ARHGEF28: variants seen among roughly 807,000 people sequenced by gnomAD.
ARHGEF28 encodes the protein 190 kDa guanine nucleotide exchange factor.
In ARHGEF28, 152 loss-of-function variants were observed where a neutral mutation model predicts 206.6. The observed-to-expected ratio is 0.74, with a 90% confidence interval of 0.64 to 0.84. The LOEUF is 0.84. ARHGEF28 is among the 40% of genes least tolerant of loss of function. The probability of loss-of-function intolerance (pLI) is 0.00; values close to 1 mark genes in which losing one functional copy is unlikely to be tolerated. For synonymous variants in ARHGEF28, 763 were observed against 776.4 expected (o/e 0.98, Z 0.29); for missense variants, 2,028 against 2,073.2 (o/e 0.98, Z 0.42).
chr5:73,791,731 A>G (rs560768659), intron 7 of ARHGEF28, among the ~76,000 whole-genome samples: 28 of 152,202 alleles, frequency 1.8e-4, no homozygotes, highest in Non-Finnish European at 3.5e-4. Flanking sequence ...GTGCAGTGTC[A>G]CTAGTAAACA....
intron 11 of ARHGEF28, among the ~76,000 whole-genome samples, chr5:73,842,238 G>T (rs1176983091): frequency 6.6e-6 from 1 of 151,958 alleles, no homozygotes; most frequent in Non-Finnish European, 1.5e-5. Context: ...CGTATAAAAT[G>T]AATCAAAGTG....
intron 6 of ARHGEF28, among the ~76,000 whole-genome samples, chr5:73,777,314 C>T (rs928024045): frequency 3.3e-5 from 5 of 151,492 alleles, no homozygotes; most frequent in African/African-American, 1.2e-4. Flanking sequence ...TATGATTAAT[C>T]AAGGTGTTAT....
chr5:73,690,260 A>AATT (rs1259009160), intron 2 of ARHGEF28, among the ~76,000 whole-genome samples: 3 of 152,044 alleles, frequency 2.0e-5, no homozygotes, highest in African/African-American at 7.2e-5. Context: ...TTTACAAGCC[A>AATT]ATTTGTGTTT....
chr5:73,828,688 TTCTC>T (rs950995103), intron 9 of ARHGEF28, among the ~76,000 whole-genome samples: 5 of 150,692 alleles, frequency 3.3e-5, no homozygotes, highest in Non-Finnish European at 5.9e-5. Flanking sequence ...TTCTTTCTCT[TTCTC>T]TTTCTTTCTC....
chr5:73,713,673 G>T (rs1255373855), intron 2 of ARHGEF28, among the ~76,000 whole-genome samples: 1 of 152,148 alleles, frequency 6.6e-6, no homozygotes, highest in East Asian at 1.9e-4. Flanking sequence ...AGCGAGAAAG[G>T]TCACTAAAGG....
intron 7 of ARHGEF28, among the ~76,000 whole-genome samples, chr5:73,790,965 A>C (rs1754444803): frequency 6.6e-6 from 1 of 152,232 alleles, no homozygotes; most frequent in Admixed American, 6.5e-5. Context: ...AAAAGGATTC[A>C]TCTGTCTATG....
At chr5:73,694,191 C>T (rs1412400990) in intron 2 of ARHGEF28, among the ~76,000 whole-genome samples, 2 of 152,334 alleles carry the variant, frequency 1.3e-5, no homozygotes, top group Non-Finnish European at 2.9e-5. Context: ...ATGGTGCCCC[C>T]TCCTACTGTC....
At chr5:73,738,805 T>C (rs112748703) in intron 2 of ARHGEF28, among the ~76,000 whole-genome samples, 6 of 152,318 alleles carry the variant, frequency 3.9e-5, no homozygotes, top group African/African-American at 1.4e-4. Context: ...TTCAATGCTG[T>C]TACTTGGCCC....
intron 16 of ARHGEF28, among the ~76,000 whole-genome samples, chr5:73,860,735 A>G (rs1293996984): frequency 2.6e-5 from 4 of 152,056 alleles, no homozygotes; most frequent in African/African-American, 4.8e-5. Context: ...GTAAAACACC[A>G]CTTTCATCAG....
At chr5:73,700,108 C>T (rs1208433099) in intron 2 of ARHGEF28, among the ~76,000 whole-genome samples, 1 of 152,104 alleles carries the variant, frequency 6.6e-6, no homozygotes, top group African/African-American at 2.4e-5. Flanking sequence ...ATCACAATGT[C>T]CATCTTTAGA....
intron 35 of ARHGEF28, chr5:73,923,014 C>A: frequency 7.4e-7 from 1 of 1,358,044 alleles, no homozygotes; most frequent in South Asian, 1.3e-5. Context: ...GGAAAAAACA[C>A]AATGAATATT....
intron 2 of ARHGEF28, among the ~76,000 whole-genome samples, chr5:73,721,241 G>A (rs1391557441): frequency 6.6e-6 from 1 of 152,166 alleles, no homozygotes; most frequent in Non-Finnish European, 1.5e-5. Context: ...GTCCTGCCAT[G>A]GTGTCTGTGG....
chr5:73,840,478 A>G lies in ARHGEF28; in HGVS notation c.1147-2A>G. ...AGGAAATGTTTTTCTTTCAACTTCC[A>G]GGTTGGTGATTTGGATATCAGCTAT... On this transcript the variant is annotated splice_acceptor_variant, in intron 10 of 35. Coordinates refer to ENST00000513042, the MANE Select transcript of ARHGEF28 (RefSeq NM_001177693.2). LOFTEE classifies it high-confidence loss of function. 1 of 1,609,422 alleles carries G rather than the reference A, an allele frequency of 6.2e-7. No homozygotes were observed.
At chr5:73,810,780 C>T (rs1755795068) in intron 9 of ARHGEF28, among the ~76,000 whole-genome samples, 1 of 152,172 alleles carries the variant, frequency 6.6e-6, no homozygotes, top group African/African-American at 2.4e-5. Context: ...ATTCTGCCCC[C>T]GATTCTGCTT....
intron 2 of ARHGEF28, among the ~76,000 whole-genome samples, chr5:73,733,612 A>T (rs974251938): frequency 6.6e-6 from 1 of 152,120 alleles, no homozygotes; most frequent in African/African-American, 2.4e-5. Context: ...TGTAACTAAA[A>T]CCCACCTGTA....
Position 73,924,887 on chromosome 5 carries a change from A to G in ARHGEF28, c.4948+13312A>G, listed in dbSNP as rs530625219. 6.6e-5 allele frequency among the ~76,000 whole-genome samples: 10 copies of G among 152,296 alleles called. No homozygotes were observed. The South Asian group carries it at 1.9e-3, about 28-fold the overall frequency. On this transcript the variant is annotated intron_variant, in intron 35 of 35. Coordinates refer to ENST00000513042, the MANE Select transcript of ARHGEF28 (RefSeq NM_001177693.2). ...CTTGCAAGACTACTTATTCCTTGAA[A>G]TACACTGTGGAAAAAACACTGATGT...
chr5:73,690,423 A>G (rs1172541728), intron 2 of ARHGEF28, among the ~76,000 whole-genome samples: 1 of 147,956 alleles, frequency 6.8e-6, no homozygotes, highest in East Asian at 2.0e-4. Context: ...ATAAAGTATA[A>G]TTGGCTGTGT....
intron 23 of ARHGEF28, among the ~76,000 whole-genome samples, chr5:73,882,840 A>G (rs527714788): frequency 3.9e-5 from 6 of 152,296 alleles, no homozygotes; most frequent in Admixed American, 3.9e-4. Context: ...GAATATTTGT[A>G]ACATACTGGG....
At chr5:73,903,576 C>T (rs73103889) in intron 31 of ARHGEF28, 5,532 of 152,940 alleles carry the variant, frequency 0.036, 313 homozygotes, top group African/African-American at 0.13. Flanking sequence ...TAGACCCTCT[C>T]CCTAAAGAAC....
Sources: allele counts gnomAD v4.1 joint callset (sites outside exome capture counted in the v4.1 genomes callset), GRCh38; gene constraint gnomAD v4.1.1; transcripts MANE v1.5; gene names NCBI Gene and HGNC (gene_info 2026-07-23, HGNC 2026-07-21).